The following VWA2 variants were observed in gnomAD, a reference collection of about 807,000 sequenced individuals.
The protein encoded by VWA2 is von Willebrand factor A domain containing 2.
Under a neutral mutation model 70.4 loss-of-function variants are expected in VWA2, and 73 were observed. That is an observed-to-expected ratio of 1.04 (90% confidence interval 0.86 to 1.26). The LOEUF (loss-of-function observed/expected upper bound fraction) is 1.26, where lower values mean the gene tolerates loss of function less well. Ranked by LOEUF, VWA2 falls within the 50% of genes most tolerant of loss-of-function variation. The pLI is 0.00. For synonymous variants in VWA2, 407 were observed against 423.3 expected, an observed-to-expected ratio of 0.96 and a Z score of 0.47; for missense variants, 1,011 against 998.5, an observed-to-expected ratio of 1.01 and a Z score of -0.17.
intron 7 of VWA2, 105 bp from the exon 8 acceptor site, chr10:114,278,614 G>A: frequency 6.6e-7 from 1 of 1,525,824 alleles, no homozygotes; most frequent in Non-Finnish European, 8.9e-7. Context: ...CTGGAAGTGT[G>A]GTGGAACCTC....
intron 6 of VWA2, among the ~76,000 whole-genome samples, chr10:114,274,831 C>T (rs1470123301): frequency 2.0e-5 from 3 of 152,046 alleles, no homozygotes; most frequent in Non-Finnish European, 4.4e-5. Context: ...GAGCAGTGAG[C>T]GGCCGCCACT....
At chr10:114,280,458 T>C (rs922747651) in intron 8 of VWA2, among the ~76,000 whole-genome samples, 3 of 151,962 alleles carry the variant, frequency 2.0e-5, no homozygotes, top group Non-Finnish European at 4.4e-5. Flanking sequence ...TGGGGCAAGG[T>C]CACAGTTTGA....
chr10:114,273,870 G>A (rs1208430354), intron 6 of VWA2, among the ~76,000 whole-genome samples: 2 of 152,120 alleles, frequency 1.3e-5, no homozygotes, highest in Non-Finnish European at 2.9e-5. Context: ...TATAATTTCA[G>A]GTGGAAGTAA....
chr10:114,251,886 C>A (rs1026247688), intron 2 of VWA2, among the ~76,000 whole-genome samples: 1 of 149,004 alleles, frequency 6.7e-6, no homozygotes, highest in Non-Finnish European at 1.5e-5. Context: ...CAGTGGTGCA[C>A]TCTTGGCTCA....
chr10:114,261,400 G>T, intron 5 of VWA2, 105 bp downstream of exon 5: 1 of 878,734 alleles, frequency 1.1e-6, no homozygotes, highest in South Asian at 1.7e-5. Context: ...GAGGACTGTG[G>T]GCTGCTTTCA....
intron 11 of VWA2, among the ~76,000 whole-genome samples, chr10:114,287,407 C>T (rs2039036346): frequency 6.6e-6 from 1 of 152,116 alleles, no homozygotes; most frequent in Non-Finnish European, 1.5e-5. Flanking sequence ...TCTCGAACTC[C>T]TGGGCTCAAG....
chr10:114,283,482 T>G (rs1472753019), intron 9 of VWA2, among the ~76,000 whole-genome samples: 1 of 152,226 alleles, frequency 6.6e-6, no homozygotes, highest in East Asian at 1.9e-4. Flanking sequence ...CACCACGGCC[T>G]CTGAAGCACA....
intron 1 of VWA2, among the ~76,000 whole-genome samples, chr10:114,242,044 G>A (rs529457581): frequency 3.7e-4 from 56 of 152,082 alleles, no homozygotes; most frequent in South Asian, 8.3e-4. Flanking sequence ...GTGACCTTTC[G>A]TCTTCTAAAC....
chr10:114,291,339 GC>G lies in VWA2; in HGVS notation c.*106del. 1.5e-6 allele frequency: 2 copies of G among 1,360,564 alleles called. No individual in the cohort carries two copies. Among genetic ancestry groups the G allele is most frequent in the Non-Finnish European group, 2.0e-6 (2 of 1,017,376 alleles). 84.3% of individuals were successfully genotyped at this position (1,360,564 alleles called of 1,614,324 possible). On this transcript the variant is annotated 3_prime_UTR_variant, in exon 14 of 14. Coordinates refer to ENST00000392982, the MANE Select transcript of VWA2 (RefSeq NM_001272046.2). ...GGTGCCTACCTTCTGGAATGTCTGTGCCCCAGGTCCTTAGAATGTCTGCTTC... is the reference window on the plus strand; with the variant it reads ...GGTGCCTACCTTCTGGAATGTCTGTGCCCAGGTCCTTAGAATGTCTGCTTC...
chr10:114,248,660 G>A, intron 1 of VWA2, 44 bp from the exon 2 acceptor site: 1 of 1,565,642 alleles, frequency 6.4e-7, no homozygotes, highest in Non-Finnish European at 8.8e-7. Flanking sequence ...GGCGTTCACA[G>A]AACTAATTGC....
At chr10:114,248,568 G>A (rs2037125421) in intron 1 of VWA2, 136 bp from the exon 2 acceptor site, 3 of 700,570 alleles carry the variant, frequency 4.3e-6, no homozygotes, top group Non-Finnish European at 7.6e-6. Flanking sequence ...GACTTTTCTA[G>A]TTATTGTGGT....
At chr10:114,266,432 A>G (rs1290344709) in intron 5 of VWA2, among the ~76,000 whole-genome samples, 1 of 152,210 alleles carries the variant, frequency 6.6e-6, no homozygotes, top group Non-Finnish European at 1.5e-5. Flanking sequence ...CCCTCGAGTG[A>G]CAGTGAAATG....
intron 1 of VWA2, among the ~76,000 whole-genome samples, chr10:114,248,425 A>C (rs1323311110): frequency 6.6e-6 from 1 of 152,150 alleles, no homozygotes; most frequent in Non-Finnish European, 1.5e-5. Flanking sequence ...GCAGGAGAGC[A>C]CACCTTCCCA....
chr10:114,286,289 G>A lies in VWA2; in HGVS notation c.1348G>A (p.Val450Ile). 1.2e-6 allele frequency: 2 copies of A among 1,610,400 alleles called. No homozygotes were observed. Among genetic ancestry groups the A allele is most frequent in the Non-Finnish European group, 1.7e-6 (2 of 1,177,448 alleles). Residue 450 changes from valine to isoleucine, a missense_variant, in exon 11 of 14, where the codon GTT becomes ATT. Val to Ile is a conservative substitution (Grantham distance 29). Transcript: ENST00000392982. ...TGQDRPRRVV[V>I]LLTESHSEDE... Reference sequence around the variant, plus strand: ...CCAGGACCGGCCACGTAGAGTGGTGGTTTTGCTCACTGAGTCACACTCCGA... The same window carrying A: ...CCAGGACCGGCCACGTAGAGTGGTGATTTTGCTCACTGAGTCACACTCCGA...
Position 114,289,704 on chromosome 10 carries a change from C to T in VWA2, c.2122+215C>T, listed in dbSNP as rs1425840105. On this transcript the variant is annotated intron_variant, in intron 12 of 13. Coordinates refer to ENST00000392982, the MANE Select transcript of VWA2 (RefSeq NM_001272046.2). ...TTTAAGGTACAGAAAGTTTAACTAA[C>T]ATAGATAACTCCCCCCAAACTTGAG... is the stretch of plus-strand genomic sequence containing the variant. The T allele has an allele frequency of 5.0e-6, 3 of 595,570 alleles. No individual in the cohort carries two copies. In the East Asian group the frequency reaches 8.5e-5, roughly 17 times the overall value. 36.9% of individuals were successfully genotyped at this position (595,570 alleles called of 1,614,324 possible).
chr10:114,279,484 C>T (rs1385501609), intron 8 of VWA2, among the ~76,000 whole-genome samples: 1 of 152,196 alleles, frequency 6.6e-6, no homozygotes, highest in Non-Finnish European at 1.5e-5. Flanking sequence ...CATTGGTCCT[C>T]CCCCAGCGAT....
At chr10:114,287,584 C>T (rs1463478626) in intron 11 of VWA2, among the ~76,000 whole-genome samples, 1 of 152,202 alleles carries the variant, frequency 6.6e-6, no homozygotes, top group Admixed American at 6.5e-5. Flanking sequence ...AGGCGAGAGG[C>T]TTTCCCTCCT....
At chr10:114,286,969 C>T (rs1433772289) in intron 11 of VWA2, among the ~76,000 whole-genome samples, 6 of 152,180 alleles carry the variant, frequency 3.9e-5, no homozygotes, top group Admixed American at 2.6e-4. Context: ...TGTGCATGCA[C>T]ACGCGCTGGT....
chr10:114,263,653 A>G (rs1472379995), intron 5 of VWA2, among the ~76,000 whole-genome samples: 1 of 152,040 alleles, frequency 6.6e-6, no homozygotes, highest in Non-Finnish European at 1.5e-5. Context: ...GCACTTTTAA[A>G]AGGCGTCTCC....
Sources: gnomAD v4.1 joint callset for allele counts (sites outside exome capture counted in the v4.1 genomes callset) on GRCh38, gnomAD v4.1.1 for gene constraint, MANE v1.5 for transcripts, NCBI Gene and HGNC (gene_info 2026-07-23, HGNC 2026-07-21) for gene names.